The following WIPF3 variants were observed in gnomAD, a reference collection of about 807,000 sequenced individuals.
WIPF3 encodes the protein WAS/WASL interacting protein family member 3, also known as WAS/WASL-interacting protein family member 3.
WIPF3 carries 33 observed loss-of-function variants against 38.9 expected under a neutral mutation model. The ratio of observed to expected loss-of-function variants is 0.85; its 90% CI spans 0.64 to 1.14. The LOEUF is 1.14. WIPF3 is among the 50% of genes most tolerant of loss of function. The pLI is 0.00. For missense variants in WIPF3, 711 were observed against 652.5 expected, an observed-to-expected ratio of 1.09 and a Z score of -0.98; for synonymous variants, 324 against 269.3, an observed-to-expected ratio of 1.20 and a Z score of -1.99.
intron 1 of WIPF3, among the ~76,000 whole-genome samples, chr7:29,817,272 TC>T (rs1784470276): frequency 6.6e-6 from 1 of 152,150 alleles, no homozygotes; most frequent in South Asian, 2.1e-4. Context: ...TACTGTAATT[TC>T]CCCCAGTTTA....
intron 2 of WIPF3, among the ~76,000 whole-genome samples, chr7:29,866,997 C>T (rs1785398973): frequency 6.6e-6 from 1 of 152,226 alleles, no homozygotes; most frequent in African/African-American, 2.4e-5. Flanking sequence ...CATCTGTAGA[C>T]TGGACATAAT....
At chr7:29,863,430 A>G (rs174952) in intron 2 of WIPF3, among the ~76,000 whole-genome samples, 80,361 of 152,150 alleles carry the variant, frequency 0.53, 23,179 homozygotes, top group East Asian at 0.87. Context: ...ATAAATCTCT[A>G]TTTCTCTATC....
intron 2 of WIPF3, among the ~76,000 whole-genome samples, chr7:29,839,562 C>T (rs747553761): frequency 6.6e-6 from 1 of 152,138 alleles, no homozygotes; most frequent in African/African-American, 2.4e-5. Flanking sequence ...GAATGAATGA[C>T]CTCATGAGCA....
At chr7:29,879,229 A>G in intron 4 of WIPF3, 89 bp downstream of exon 4, 9 of 1,483,116 alleles carry the variant, frequency 6.1e-6, no homozygotes, top group Non-Finnish European at 8.3e-6. Flanking sequence ...CCAGTAAGCA[A>G]CATGGTTTTA....
chr7:29,873,010 A>C (rs1423062597), intron 2 of WIPF3, among the ~76,000 whole-genome samples: 1 of 152,148 alleles, frequency 6.6e-6, no homozygotes, highest in East Asian at 1.9e-4. Flanking sequence ...GATGTTTACT[A>C]ACAAATCTGC....
rs1160560749 is a variant in WIPF3, at chr7:29,899,908, A to AT, written c.1352-4374dup. ...AGACTAGAAATATGTACACCAAAAT[A>AT]TTTTATTTATTTATTTATTCATTTA... On this transcript the variant is annotated intron_variant, in intron 7 of 8. Transcript: ENST00000242140. Among the ~76,000 whole-genome samples, 4 of 152,108 alleles carry AT rather than the reference A, an allele frequency of 2.6e-5. No homozygotes were observed. In the East Asian group the frequency reaches 7.7e-4, roughly 29 times the overall value.
intron 8 of WIPF3, among the ~76,000 whole-genome samples, chr7:29,913,340 C>T (rs181618443): frequency 1.0e-3 from 128 of 127,276 alleles, no homozygotes; most frequent in African/African-American, 3.8e-3. Flanking sequence ...AGTGAAACTC[C>T]GTCTCAAAAA....
intron 1 of WIPF3, among the ~76,000 whole-genome samples, chr7:29,808,297 G>A (rs901842206): frequency 1.8e-4 from 28 of 152,186 alleles, no homozygotes; most frequent in Non-Finnish European, 8.8e-5. Context: ...TGGCGAGGAG[G>A]GGCAAAAGAA....
chr7:29,905,378 G>A (rs1371291905), intron 8 of WIPF3: 1 of 152,274 alleles, frequency 6.6e-6, no homozygotes, highest in Non-Finnish European at 1.5e-5. Context: ...GAAGATGGCA[G>A]AGGAGAAAGC....
intron 3 of WIPF3, among the ~76,000 whole-genome samples, chr7:29,877,024 C>T (rs1330784891): frequency 1.3e-5 from 2 of 152,058 alleles, no homozygotes; most frequent in Admixed American, 1.3e-4. Context: ...ATCCAAAAAT[C>T]CCAAATCTGA....
chr7:29,841,689 G>A (rs1209354098), intron 2 of WIPF3, among the ~76,000 whole-genome samples: 1 of 152,146 alleles, frequency 6.6e-6, no homozygotes, highest in African/African-American at 2.4e-5. Context: ...GCGAGCACCT[G>A]TAATCCCAGC....
At position 29,823,440 on chromosome 7, in the gene WIPF3, C is replaced by T. The variant is rs971992897; in HGVS notation, c.-57-11228C>T. ...GACAGAAACTTTGACAGTTCTCTTC[C>T]CTTTTCTAGTTTGCAATATTTTTCT... On this transcript the variant is annotated intron_variant, in intron 1 of 8. Transcript: ENST00000242140. The surrounding 1 kb of genome is among the most constrained non-coding windows in gnomAD (Gnocchi z 4.0). Among the ~76,000 whole-genome samples, 1 of 152,156 alleles carries T rather than the reference C, an allele frequency of 6.6e-6. No homozygotes were observed. Among genetic ancestry groups the T allele is most frequent in the African/African-American group, 2.4e-5 (1 of 41,444 alleles).
At chr7:29,820,443 G>GT (rs914103390) in intron 1 of WIPF3, among the ~76,000 whole-genome samples, 4 of 151,858 alleles carry the variant, frequency 2.6e-5, no homozygotes, top group African/African-American at 9.7e-5. Flanking sequence ...TATGTGTTCT[G>GT]TTTTCTATTT....
intron 1 of WIPF3, among the ~76,000 whole-genome samples, chr7:29,818,242 C>G (rs1399493512): frequency 6.6e-6 from 1 of 151,944 alleles, no homozygotes; most frequent in Non-Finnish European, 1.5e-5. Flanking sequence ...CACCTGAGGT[C>G]AGGAGTTCAA....
intron 1 of WIPF3, among the ~76,000 whole-genome samples, chr7:29,811,112 A>C (rs942082605): frequency 3.9e-5 from 6 of 152,000 alleles, no homozygotes; most frequent in African/African-American, 1.5e-4. Flanking sequence ...GCTGGTCTCA[A>C]ACTCCTGGAT....
At chr7:29,862,980 T>TG (rs1303547811) in intron 2 of WIPF3, among the ~76,000 whole-genome samples, 1 of 152,228 alleles carries the variant, frequency 6.6e-6, no homozygotes, top group Non-Finnish European at 1.5e-5. Flanking sequence ...GAGGTTGTGG[T>TG]GCCTCTCCCT....
At chr7:29,850,613 C>G (rs1785078656) in intron 2 of WIPF3, among the ~76,000 whole-genome samples, 1 of 152,220 alleles carries the variant, frequency 6.6e-6, no homozygotes, top group South Asian at 2.1e-4. Flanking sequence ...TTAGACCTCA[C>G]AGTCCACCAC....
At chr7:29,894,460 C>T (rs545842976) in intron 7 of WIPF3, among the ~76,000 whole-genome samples, 7 of 152,272 alleles carry the variant, frequency 4.6e-5, no homozygotes, top group South Asian at 2.1e-4. Flanking sequence ...GATGTGGCAT[C>T]GGTGGACACG....
chr7:29,855,675 G>A (rs141237373), intron 2 of WIPF3, among the ~76,000 whole-genome samples: 16 of 152,250 alleles, frequency 1.1e-4, no homozygotes, highest in African/African-American at 3.9e-4. Context: ...TTAGCCTCAG[G>A]GGGACTTAGT....
Sources: gnomAD v4.1 joint callset for allele counts (sites outside exome capture counted in the v4.1 genomes callset) on GRCh38, gnomAD v4.1.1 for gene constraint, Gnocchi (gnomAD v3.1) non-coding constraint, MANE v1.5 for transcripts, NCBI Gene and HGNC (gene_info 2026-07-23, HGNC 2026-07-21) for gene names.